MFSD6: variants seen among roughly 807,000 people sequenced by gnomAD.
MFSD6 encodes major facilitator superfamily domain-containing protein 6.
A neutral mutation model predicts 56.3 loss-of-function variants in MFSD6; 26 were observed. The ratio of observed to expected loss-of-function variants is 0.46; its 90% CI spans 0.34 to 0.64. The LOEUF is 0.64. Ranked by LOEUF, MFSD6 falls within the 30% of genes least tolerant of loss-of-function variation. The pLI is 0.01. For synonymous variants in MFSD6, 331 were observed against 366.9 expected, an observed-to-expected ratio of 0.90 and a Z score of 1.12; for missense variants, 750 against 986.2, an observed-to-expected ratio of 0.76 and a Z score of 3.21.
intron 4 of MFSD6, among the ~76,000 whole-genome samples, chr2:190,479,865 T>C (rs1688560841): frequency 6.6e-6 from 1 of 152,226 alleles, no homozygotes; most frequent in Non-Finnish European, 1.5e-5. Context: ...AGATGTTTTT[T>C]TTAATGTCAT....
At chr2:190,476,231 T>G (rs1451057763) in intron 4 of MFSD6, among the ~76,000 whole-genome samples, 4 of 152,056 alleles carry the variant, frequency 2.6e-5, no homozygotes, top group African/African-American at 7.2e-5. Flanking sequence ...TTAAAGAGCT[T>G]CTGCACAGCA....
intron 2 of MFSD6, among the ~76,000 whole-genome samples, chr2:190,428,854 A>G (rs950960488): frequency 4.0e-5 from 6 of 151,594 alleles, no homozygotes; most frequent in Admixed American, 2.0e-4. Context: ...TTTAGTTTTA[A>G]TAGAGATGGG....
In MFSD6 at chr2:190,490,751, C is replaced by T. The variant is rs1415477250; in HGVS notation, c.1891+885C>T. Among the ~76,000 whole-genome samples, 1 of 152,100 alleles carries T rather than the reference C, an allele frequency of 6.6e-6. No individual in the cohort carries two copies. The highest frequency in any genetic ancestry group is 6.6e-5 in the Admixed American group (1 of 15,266). ...AACCAGGAGGATGAAAATATTTTTG[C>T]TCAGTTTTTTGGTCCCAGAACAGAG... On this transcript the variant is annotated intron_variant, in intron 6 of 7. Transcript: ENST00000392328. The surrounding 1 kb of genome is among the most constrained non-coding windows in gnomAD (Gnocchi z 4.5).
At chr2:190,407,955 A>C (rs528420676), upstream of MFSD6, among the ~76,000 whole-genome samples, 69 of 151,724 alleles carry the variant, frequency 4.5e-4, no homozygotes, top group African/African-American at 1.6e-3. This position sits in a 1 kb window ranked among gnomAD's most constrained non-coding sequence, Gnocchi z 5.4. Context: ...GGCTCAGCGG[A>C]AGTCGCTTGG....
At position 190,498,976 on chromosome 2, in the gene MFSD6, C is replaced by T. The variant is rs548897769; in HGVS notation, c.2173-1039C>T. On this transcript the variant is annotated intron_variant, in intron 7 of 7. Coordinates refer to ENST00000392328, the MANE Select transcript of MFSD6 (RefSeq NM_017694.4). This position sits in a 1 kb window ranked among gnomAD's most constrained non-coding sequence, Gnocchi z 5.9. ...CAGCCTGGCCAAGATGGTGAAACCC[C>T]GTCTCTACTAAAAATATAAAAATTA... is the stretch of plus-strand genomic sequence containing the variant. Among the ~76,000 whole-genome samples the T allele has an allele frequency of 8.6e-5, 13 of 151,904 alleles. No individual in the cohort carries two copies. Among genetic ancestry groups the T allele is most frequent in the East Asian group, 1.9e-4 (1 of 5,166 alleles).
At position 190,413,671 on chromosome 2, in the gene MFSD6, G is replaced by A. The variant is rs115996121; in HGVS notation, c.-175-1621G>A. The stretch of plus-strand genomic sequence containing the variant: ...AACAAGCCCGATGTGTGGGTTAACC[G>A]TGCCAAAGGAAAGTGAGTGGCGAGC... On this transcript the variant is annotated intron_variant, in intron 1 of 7. Transcript: ENST00000392328. The surrounding 1 kb of genome is among the most constrained non-coding windows in gnomAD (Gnocchi z 4.1). Among the ~76,000 whole-genome samples, 1,425 of 152,262 alleles carry A rather than the reference G, an allele frequency of 9.4e-3. 32 individuals carry two copies. The highest frequency in any genetic ancestry group is 0.032 in the African/African-American group (1,341 of 41,548).
rs2124989137 is a variant in MFSD6, at chr2:190,417,277, G to A, written c.-54+1864G>A. Among the ~76,000 whole-genome samples the A allele has an allele frequency of 6.6e-6, 1 of 152,322 alleles. No homozygotes were observed. The highest frequency in any genetic ancestry group is 3.4e-3 in the Middle Eastern group (1 of 294). On this transcript the variant is annotated intron_variant, in intron 2 of 7. Coordinates refer to ENST00000392328, the MANE Select transcript of MFSD6 (RefSeq NM_017694.4). The surrounding 1 kb of genome is among the most constrained non-coding windows in gnomAD (Gnocchi z 5.7). ...TACTGGATCATTAGCGGTAAGATCA[G>A]CACACCAAAATAAAAGTTCAAATGT...
intron 3 of MFSD6, among the ~76,000 whole-genome samples, chr2:190,441,369 C>T (rs1274714346): frequency 2.6e-5 from 4 of 151,122 alleles, no homozygotes; most frequent in African/African-American, 9.7e-5. Flanking sequence ...TGTACCGAGG[C>T]ATTCAACGTT....
rs1689635704 is a variant in MFSD6, at chr2:190,495,746, G to T, written c.1892-1693G>T. Among the ~76,000 whole-genome samples the T allele has an allele frequency of 6.6e-6, 1 of 152,098 alleles. No individual in the cohort carries two copies. Among genetic ancestry groups the T allele is most frequent in the Non-Finnish European group, 1.5e-5 (1 of 68,012 alleles). On this transcript the variant is annotated intron_variant, in intron 6 of 7. Transcript: ENST00000392328. This position sits in a 1 kb window ranked among gnomAD's most constrained non-coding sequence, Gnocchi z 4.7. ...CAAACAGAAACATAAAGGGGGAAAG[G>T]ATACTCTATTCAACAAATGGTGCTG...
intron 3 of MFSD6, among the ~76,000 whole-genome samples, chr2:190,448,692 A>G (rs1315259973): frequency 6.6e-6 from 1 of 152,260 alleles, no homozygotes; most frequent in African/African-American, 2.4e-5. Context: ...CTCTAAATTC[A>G]CAGTTGCCCT....
In MFSD6 at chr2:190,447,390, G is replaced by T. The variant is rs1389101891; in HGVS notation, c.1532+9829G>T. Among the ~76,000 whole-genome samples, 1 of 152,148 alleles carries T rather than the reference G, an allele frequency of 6.6e-6. No homozygotes were observed. The highest frequency in any genetic ancestry group is 3.2e-3 in the Middle Eastern group (1 of 316). On this transcript the variant is annotated intron_variant, in intron 3 of 7. Coordinates refer to ENST00000392328, the MANE Select transcript of MFSD6 (RefSeq NM_017694.4). The surrounding 1 kb of genome is among the most constrained non-coding windows in gnomAD (Gnocchi z 4.5). ...CATTTTTAATTTTGTGCCAACTAGA[G>T]AGCTTTGGATTTGTTAAAATATGGC...
At position 190,463,874 on chromosome 2, in the gene MFSD6, A is replaced by G. The variant is rs1687460551; in HGVS notation, c.1533-5884A>G. The G allele has an allele frequency of 1.0e-6, 1 of 984,248 alleles. No homozygotes were observed. The highest frequency in any genetic ancestry group is 1.7e-5 in the African/African-American group (1 of 57,316). 61.0% of individuals were successfully genotyped at this position (984,248 alleles called of 1,614,324 possible). A position where few individuals can be genotyped will look rare whatever the true frequency, so the allele number is the denominator to read the frequency against. ...AAAAAGCTGAGAATGATGGAGCCCA[A>G]TCTAAGGGCGCACCATATACTGTCT... On this transcript the variant is annotated intron_variant, in intron 3 of 7. Transcript: ENST00000392328. The surrounding 1 kb of genome is among the most constrained non-coding windows in gnomAD (Gnocchi z 4.4).
At position 190,486,786 on chromosome 2, in the gene MFSD6, A is replaced by G. The variant is rs556076355; in HGVS notation, c.1631-1871A>G. 1.1e-4 allele frequency among the ~76,000 whole-genome samples: 17 copies of G among 152,316 alleles called. 1 individual carries two copies. The South Asian group carries it at 3.5e-3, about 32-fold the overall frequency. ...TCTCTGATGATATTATCTCCAAATG[A>G]GACTATTTCTCAGGGGATGGAACCA... is the stretch of plus-strand genomic sequence containing the variant. On this transcript the variant is annotated intron_variant, in intron 4 of 7. Transcript: ENST00000392328.
In MFSD6 at chr2:190,465,756, G is replaced by T. The variant is rs2125130974; in HGVS notation, c.1533-4002G>T. 6.6e-6 allele frequency among the ~76,000 whole-genome samples: 1 copy of T among 152,278 alleles called. No homozygotes were observed. The highest frequency in any genetic ancestry group is 1.9e-4 in the East Asian group (1 of 5,178). On this transcript the variant is annotated intron_variant, in intron 3 of 7. Coordinates refer to ENST00000392328, the MANE Select transcript of MFSD6 (RefSeq NM_017694.4). This position sits in a 1 kb window ranked among gnomAD's most constrained non-coding sequence, Gnocchi z 4.6. Reference sequence around the variant, plus strand: ...GCCTATAATCCCAGCACTTTGGGAGGCCGAGGCAGGTGGATCACTTTAGGT... The same window carrying T: ...GCCTATAATCCCAGCACTTTGGGAGTCCGAGGCAGGTGGATCACTTTAGGT...
Position 190,439,996 on chromosome 2 carries a change from T to G in MFSD6, c.1532+2435T>G, listed in dbSNP as rs1686313221. On this transcript the variant is annotated intron_variant, in intron 3 of 7. Coordinates refer to ENST00000392328, the MANE Select transcript of MFSD6 (RefSeq NM_017694.4). The surrounding 1 kb of genome is among the most constrained non-coding windows in gnomAD (Gnocchi z 5.8). ...AGAATACCATTCATTAAGTAGTTGG[T>G]GAAGAGAAATGATCTCTGAATTATG... 6.6e-6 allele frequency among the ~76,000 whole-genome samples: 1 copy of G among 152,210 alleles called. No homozygotes were observed. The highest frequency in any genetic ancestry group is 2.4e-5 in the African/African-American group (1 of 41,458).
chr2:190,491,136 A>G lies in MFSD6; in HGVS notation c.1891+1270A>G, dbSNP rs1488622213. Among the ~76,000 whole-genome samples, 1 of 152,250 alleles carries G rather than the reference A, an allele frequency of 6.6e-6. No individual in the cohort carries two copies. Among genetic ancestry groups the G allele is most frequent in the Non-Finnish European group, 1.5e-5 (1 of 68,044 alleles). On this transcript the variant is annotated intron_variant, in intron 6 of 7. Transcript: ENST00000392328. The surrounding 1 kb of genome is among the most constrained non-coding windows in gnomAD (Gnocchi z 4.2). ...TTTAAAATCATTAATTAAACATTCA[A>G]TGTAAGAAACATAAAAATAAGCAAT...
rs1689170997 is a variant in MFSD6 at position 190,488,929 on chromosome 2, TC to T, written c.1792+113del. The T allele has an allele frequency of 1.9e-6, 2 of 1,066,026 alleles. No homozygotes were observed. The highest frequency in any genetic ancestry group is 6.4e-5 in the Admixed American group (2 of 31,142). The allele number at this position is 1,066,026 out of a possible 1,614,324, so 66.0% of individuals were successfully genotyped here. On this transcript the variant is annotated intron_variant, in intron 5 of 7. Coordinates refer to ENST00000392328, the MANE Select transcript of MFSD6 (RefSeq NM_017694.4). This position sits in a 1 kb window ranked among gnomAD's most constrained non-coding sequence, Gnocchi z 6.4. ...TACTGAAGATTGCCCAAAGCTAAATTCCAGTATTCATAATCTCTTTCTAGAT... is the reference window on the plus strand; with the variant it reads ...TACTGAAGATTGCCCAAAGCTAAATTCAGTATTCATAATCTCTTTCTAGAT...
Position 190,443,207 on chromosome 2 carries a change from C to G in MFSD6, c.1532+5646C>G, listed in dbSNP as rs545666541. On this transcript the variant is annotated intron_variant, in intron 3 of 7. Transcript: ENST00000392328. The surrounding 1 kb of genome is among the most constrained non-coding windows in gnomAD (Gnocchi z 4.2). Reference sequence around the variant, plus strand: ...CAAGGGAGAAAAAAAATAAAAGGAACAGGACTTTAAGGATTGTATGGTGGT... The same window carrying G: ...CAAGGGAGAAAAAAAATAAAAGGAAGAGGACTTTAAGGATTGTATGGTGGT... 6.6e-6 allele frequency among the ~76,000 whole-genome samples: 1 copy of G among 152,226 alleles called. No homozygotes were observed. Among genetic ancestry groups the G allele is most frequent in the South Asian group, 2.1e-4 (1 of 4,820 alleles).
intron 4 of MFSD6, among the ~76,000 whole-genome samples, chr2:190,478,198 T>G (rs372600825): frequency 3.9e-5 from 6 of 152,180 alleles, no homozygotes; most frequent in African/African-American, 1.4e-4. Flanking sequence ...TTTCATTTTA[T>G]TCTCCCTTAT....
Sources: allele counts gnomAD v4.1 joint callset (sites outside exome capture counted in the v4.1 genomes callset), GRCh38; gene constraint gnomAD v4.1.1; non-coding constraint Gnocchi (gnomAD v3.1); transcripts MANE v1.5; gene names NCBI Gene and HGNC (gene_info 2026-07-23, HGNC 2026-07-21).